Variants in ADD2 observed in about 807,000 individuals in gnomAD.
The protein encoded by ADD2 is beta-adducin.
A neutral mutation model predicts 83.0 loss-of-function variants in ADD2; 23 were observed. That is an observed-to-expected ratio of 0.28 (90% CI 0.20 to 0.39). The LOEUF (loss-of-function observed/expected upper bound fraction) is 0.39, where lower values mean the gene tolerates loss of function less well. ADD2 is among the 10% of genes least tolerant of loss of function. ADD2 has a pLI of 1.00. For synonymous variants in ADD2, 375 were observed against 375.4 expected (o/e 1.00, Z 0.01); for missense variants, 758 against 944.9 (o/e 0.80, Z 2.59).
intron 10 of ADD2, among the ~76,000 whole-genome samples, chr2:70,682,185 C>T (rs537746054): frequency 6.6e-6 from 1 of 152,262 alleles, no homozygotes; most frequent in African/African-American, 2.4e-5. Flanking sequence ...TTTCATGTAG[C>T]ATTTTTCATC....
intron 1 of ADD2, among the ~76,000 whole-genome samples, chr2:70,723,993 T>C (rs1672857242): frequency 6.6e-6 from 1 of 152,158 alleles, no homozygotes; most frequent in Non-Finnish European, 1.5e-5. Context: ...AGCAAACAAA[T>C]GGAATGTATT....
chr2:70,664,600 A>C (rs143224764), intron 15 of ADD2, among the ~76,000 whole-genome samples: 6 of 152,354 alleles, frequency 3.9e-5, no homozygotes, highest in African/African-American at 1.4e-4. Flanking sequence ...CACAGTTAAG[A>C]AGGCTGAAGA....
In ADD2 at chr2:70,743,159, G is replaced by A. The variant is rs564031251; in HGVS notation, c.-154+24727C>T. ...GTCAGCGTCCATAGCCTGTCAGTAC[G>A]GTCAATATTGGCTGGAGTCAAAATT... On this transcript the variant is annotated intron_variant, in intron 1 of 15. Transcript: ENST00000264436. Among the ~76,000 whole-genome samples, 13 of 152,188 alleles carry A rather than the reference G, an allele frequency of 8.5e-5. No homozygotes were observed. In the South Asian group the frequency reaches 2.1e-3, roughly 24 times the overall value.
At chr2:70,702,906 C>G (rs1487529921) in intron 4 of ADD2, among the ~76,000 whole-genome samples, 1 of 152,100 alleles carries the variant, frequency 6.6e-6, no homozygotes, top group African/African-American at 2.4e-5. Flanking sequence ...GTGGGTGGAT[C>G]ACTTGAACCC....
chr2:70,734,297 G>C (rs1455770641), intron 1 of ADD2, among the ~76,000 whole-genome samples: 2 of 152,154 alleles, frequency 1.3e-5, no homozygotes, highest in Non-Finnish European at 2.9e-5. Flanking sequence ...AGGGAAGCAG[G>C]ATTGGCCACT....
chr2:70,725,105 C>T (rs2104449637), intron 1 of ADD2, among the ~76,000 whole-genome samples: 1 of 152,316 alleles, frequency 6.6e-6, no homozygotes, highest in South Asian at 2.1e-4. Flanking sequence ...TACCGAACCA[C>T]CCTGTACCTC....
intron 1 of ADD2, among the ~76,000 whole-genome samples, chr2:70,762,167 T>C (rs1364933475): frequency 6.6e-6 from 1 of 151,666 alleles, no homozygotes; most frequent in African/African-American, 2.4e-5. Context: ...AAATGTAAAT[T>C]GAGTCACAAT....
At chr2:70,666,748 CT>C (rs151289629) in intron 15 of ADD2, among the ~76,000 whole-genome samples, 2,614 of 152,306 alleles carry the variant, frequency 0.017, 70 homozygotes, top group African/African-American at 0.06. Flanking sequence ...GCCTCAGCCC[CT>C]GGTGTGTGTC....
chr2:70,745,280 C>A (rs1046586163), intron 1 of ADD2, among the ~76,000 whole-genome samples: 2 of 151,766 alleles, frequency 1.3e-5, no homozygotes. Flanking sequence ...AGCGATACTC[C>A]GTCTCAAAAT....
chr2:70,711,019 ATCT>A (rs1672151512), intron 2 of ADD2: 1 of 152,196 alleles, frequency 6.6e-6, no homozygotes, highest in South Asian at 2.1e-4. Flanking sequence ...AACTAATTCA[ATCT>A]TGAGCTACAT....
chr2:70,743,167 T>C (rs1674010026), intron 1 of ADD2, among the ~76,000 whole-genome samples: 3 of 152,192 alleles, frequency 2.0e-5, no homozygotes, highest in Non-Finnish European at 2.9e-5. Context: ...ACGGTCAATA[T>C]TGGCTGGAGT....
chr2:70,740,329 G>A (rs1282269936), intron 1 of ADD2, among the ~76,000 whole-genome samples: 2 of 152,156 alleles, frequency 1.3e-5, no homozygotes, highest in Non-Finnish European at 2.9e-5. Flanking sequence ...ATGCTTTTCA[G>A]TCCTTGACAA....
intron 1 of ADD2, among the ~76,000 whole-genome samples, chr2:70,745,749 C>T (rs1444516768): frequency 6.6e-6 from 1 of 152,186 alleles, no homozygotes; most frequent in Non-Finnish European, 1.5e-5. Flanking sequence ...ATGTCACCAT[C>T]TTTATGATTA....
chr2:70,726,230 C>A (rs1672996698), intron 1 of ADD2, among the ~76,000 whole-genome samples: 2 of 145,524 alleles, frequency 1.4e-5, no homozygotes, highest in Admixed American at 1.4e-4. Context: ...TTGTCATCAG[C>A]AGCACCATGA....
chr2:70,666,284 A>G (rs1312369048), intron 15 of ADD2, among the ~76,000 whole-genome samples: 1 of 152,248 alleles, frequency 6.6e-6, no homozygotes, highest in Non-Finnish European at 1.5e-5. Flanking sequence ...GAATGGATTT[A>G]TTCTAACCAA....
chr2:70,713,418 C>T lies in ADD2; in HGVS notation c.-153-234G>A, dbSNP rs556772594. ...ACGAGGTCAAGAGATCGGGACCATC[C>T]AGGCCAATATGGTGAAACCCCATCT... On this transcript the variant is annotated intron_variant, in intron 1 of 15. Transcript: ENST00000264436. 5.9e-5 allele frequency among the ~76,000 whole-genome samples: 9 copies of T among 152,284 alleles called. No individual in the cohort carries two copies. The East Asian group carries it at 1.2e-3, about 20-fold the overall frequency.
chr2:70,735,497 T>C (rs1380218197), intron 1 of ADD2, among the ~76,000 whole-genome samples: 1 of 152,128 alleles, frequency 6.6e-6, no homozygotes, highest in African/African-American at 2.4e-5. Context: ...CATACACAGC[T>C]ACCTCCATGC....
Position 70,660,111 on chromosome 2 carries a change from T to C in ADD2, c.*3314A>G, listed in dbSNP as rs1387770934. The C allele has an allele frequency of 1.3e-5, 2 of 152,226 alleles. No individual in the cohort carries two copies. Among genetic ancestry groups the C allele is most frequent in the Non-Finnish European group, 1.5e-5 (1 of 68,044 alleles). 9.4% of individuals were successfully genotyped at this position (152,226 alleles called of 1,614,324 possible). On this transcript the variant is annotated 3_prime_UTR_variant, in exon 16 of 16. Transcript: ENST00000264436. ...CCTTTCTAATAGCCTGTAGATTTGT[T>C]TGGACCACATGTCTGTTTCTGTAGC...
intron 1 of ADD2, among the ~76,000 whole-genome samples, chr2:70,716,894 G>C (rs950578245): frequency 2.6e-5 from 4 of 152,148 alleles, no homozygotes; most frequent in Non-Finnish European, 5.9e-5. Flanking sequence ...ACAGAACCCA[G>C]CAACAGATTG....
Sources: allele counts gnomAD v4.1 joint callset (sites outside exome capture counted in the v4.1 genomes callset), GRCh38; gene constraint gnomAD v4.1.1; transcripts MANE v1.5; gene names NCBI Gene and HGNC (gene_info 2026-07-23, HGNC 2026-07-21).